The following TG variants were observed in gnomAD, a reference collection of about 807,000 sequenced individuals.
TG encodes thyroid hormones.
TG carries 270 observed loss-of-function variants against 324.7 expected under a neutral mutation model. That is an observed-to-expected ratio of 0.83 (90% CI 0.75 to 0.92). The LOEUF (loss-of-function observed/expected upper bound fraction) is 0.92, where lower values mean the gene tolerates loss of function less well. TG is among the 40% of genes least tolerant of loss of function. TG has a pLI of 0.00. For missense variants in TG, 3,591 were observed against 3,456.4 expected, an observed-to-expected ratio of 1.04 and a Z score of -0.98; for synonymous variants, 1,401 against 1,327.0, an observed-to-expected ratio of 1.06 and a Z score of -1.21.
In TG at chr8:132,967,796, T is replaced by C; in HGVS notation, c.5689T>C (p.Cys1897Arg). 2 of 1,613,760 alleles carry C rather than the reference T, an allele frequency of 1.2e-6. No homozygotes were observed. The highest frequency in any genetic ancestry group is 1.7e-6 in the Non-Finnish European group (2 of 1,179,798). The change falls in exon 31 of 48, where the codon TGT (cysteine) becomes CGT (arginine). Residue 1897 changes from cysteine to arginine, a missense_variant and splice_region_variant. Cys to Arg is a radical substitution (Grantham distance 180). Transcript: ENST00000220616. ...QQANLWCLSR[C>R]VQEHSFCQLA... Reference sequence around the variant, plus strand: ...TCACACTACTCTCTTGCCTGTAGGTTGTGTGCAGGAGCACTCTTTCTGTCA... The same window carrying C: ...TCACACTACTCTCTTGCCTGTAGGTCGTGTGCAGGAGCACTCTTTCTGTCA...
intron 25 of TG, among the ~76,000 whole-genome samples, chr8:132,938,433 C>G (rs1486641580): frequency 6.6e-6 from 1 of 152,104 alleles, no homozygotes; most frequent in African/African-American, 2.4e-5. Context: ...CAGATGAGGT[C>G]TAGGAAAAGG....
chr8:132,992,411 A>G (rs1832452853), intron 35 of TG, among the ~76,000 whole-genome samples: 1 of 152,208 alleles, frequency 6.6e-6, no homozygotes. Flanking sequence ...AGTTCAATAG[A>G]AAGCTATAGT....
chr8:132,946,097 CT>C (rs1398310685), intron 26 of TG, among the ~76,000 whole-genome samples: 1 of 151,466 alleles, frequency 6.6e-6, no homozygotes, highest in Non-Finnish European at 1.5e-5. Context: ...TGATGTATAT[CT>C]ATATTTAGAA....
intron 35 of TG, among the ~76,000 whole-genome samples, chr8:133,011,646 A>G (rs1435821715): frequency 1.3e-5 from 2 of 152,194 alleles, no homozygotes. Context: ...TAATAGAAAC[A>G]GCCATGCTTT....
chr8:133,117,716 G>T (rs1296000065), intron 45 of TG, among the ~76,000 whole-genome samples: 1 of 152,210 alleles, frequency 6.6e-6, no homozygotes, highest in Non-Finnish European at 1.5e-5. Flanking sequence ...AGATGCAAGA[G>T]CATTATTGTT....
rs533918282 is a variant in TG at position 133,039,768 on chromosome 8, C to G, written c.7239+9745C>G. On this transcript the variant is annotated intron_variant, in intron 41 of 47. Transcript: ENST00000220616. Reference sequence around the variant, plus strand: ...AGGACTCAGTAAATGTTTGCAGAAACAGGGGGAGCTGCCACACACCTCGTG... The same window carrying G: ...AGGACTCAGTAAATGTTTGCAGAAAGAGGGGGAGCTGCCACACACCTCGTG... Among the ~76,000 whole-genome samples the G allele has an allele frequency of 2.0e-5, 3 of 152,226 alleles. No homozygotes were observed. The East Asian group carries it at 5.8e-4, about 29-fold the overall frequency.
chr8:132,873,805 G>A (rs902515637), intron 5 of TG, among the ~76,000 whole-genome samples: 4 of 152,186 alleles, frequency 2.6e-5, no homozygotes, highest in Non-Finnish European at 5.9e-5. Context: ...AGCACAGAGG[G>A]TAAGAGGAAG....
At chr8:132,971,970 T>G in intron 33 of TG, 97 bp downstream of exon 33, 4 of 899,650 alleles carry the variant, frequency 4.4e-6, no homozygotes, top group Non-Finnish European at 7.4e-6. Context: ...CAGCATCTCC[T>G]ATCCTCGTTC....
intron 35 of TG, among the ~76,000 whole-genome samples, chr8:132,991,151 G>A (rs1485307518): frequency 1.3e-5 from 2 of 151,946 alleles, no homozygotes; most frequent in African/African-American, 4.8e-5. Flanking sequence ...TTCAGCCGAG[G>A]CAGTCCTGGA....
intron 41 of TG, among the ~76,000 whole-genome samples, chr8:133,044,108 A>T (rs1252475740): frequency 6.6e-6 from 1 of 152,174 alleles, no homozygotes; most frequent in African/African-American, 2.4e-5. Context: ...AGCCAACCTC[A>T]GGCTGCCTAG....
At chr8:132,930,068 A>G (rs1822477309) in intron 23 of TG, among the ~76,000 whole-genome samples, 1 of 152,208 alleles carries the variant, frequency 6.6e-6, no homozygotes, top group Non-Finnish European at 1.5e-5. Flanking sequence ...TGCCTGCCTC[A>G]GTACCCACAT....
At chr8:132,992,631 C>G (rs1278428874) in intron 35 of TG, among the ~76,000 whole-genome samples, 1 of 152,142 alleles carries the variant, frequency 6.6e-6, no homozygotes, top group Admixed American at 6.6e-5. Context: ...TGGGGTCTCT[C>G]AGACTCCCTT....
In TG at chr8:133,122,180, T is replaced by A. The variant is rs181279064; in HGVS notation, c.7862+5464T>A. 3.0e-3 allele frequency among the ~76,000 whole-genome samples: 452 copies of A among 152,300 alleles called. 1 individual carries two copies. The highest frequency in any genetic ancestry group is 0.01 in the African/African-American group (432 of 41,562). On this transcript the variant is annotated intron_variant, in intron 45 of 47. Coordinates refer to ENST00000220616, the MANE Select transcript of TG (RefSeq NM_003235.5). ...CTATTGTAAACTGATCACAGAATAG[T>A]GTGGTTTTCTTACTGTGCACCTGGA... is the stretch of plus-strand genomic sequence containing the variant.
At chr8:133,003,116 C>CT in intron 35 of TG, 1 of 871,028 alleles carries the variant, frequency 1.1e-6, no homozygotes, top group Non-Finnish European at 1.4e-6. Context: ...AGCTGAAAGG[C>CT]TTTTTGGCAA....
chr8:133,092,722 A>C (rs750345753), intron 41 of TG, among the ~76,000 whole-genome samples: 3 of 151,970 alleles, frequency 2.0e-5, no homozygotes, highest in Non-Finnish European at 2.9e-5. Context: ...CATGCTCTCT[A>C]CACACCTCTG....
intron 22 of TG, among the ~76,000 whole-genome samples, chr8:132,926,969 G>A (rs1821953768): frequency 6.6e-6 from 1 of 152,106 alleles, no homozygotes; most frequent in African/African-American, 2.4e-5. Context: ...TACTTGCAGA[G>A]TTAGTAAAAA....
In TG at chr8:133,029,904, G is replaced by A. The variant is rs765347953; in HGVS notation, c.7120G>A (p.Gly2374Ser). The A allele has an allele frequency of 6.2e-7, 1 of 1,614,242 alleles. No homozygotes were observed. Among genetic ancestry groups the A allele is most frequent in the South Asian group, 1.1e-5 (1 of 91,084 alleles). The change falls in exon 41 of 48, where the codon GGC becomes AGC. Residue 2374 changes from glycine (G) to serine (S), a missense_variant. Transcript: ENST00000220616. ...TWVQTHIRGF[G>S]GDPRRVSLAA... Reference sequence around the variant, plus strand: ...GGTGCAGACCCACATCCGAGGATTTGGCGGGGACCCTCGGCGCGTGTCCCT... The same window carrying A: ...GGTGCAGACCCACATCCGAGGATTTAGCGGGGACCCTCGGCGCGTGTCCCT...
rs559490553 is a variant in TG, at chr8:132,894,138, G to A, written c.3001+209G>A. On this transcript the variant is annotated intron_variant, in intron 11 of 47. Transcript: ENST00000220616. The stretch of plus-strand genomic sequence containing the variant: ...CTAAAATGCTCCTTAATTCTCCAGC[G>A]AATCTACCCTAGGGCAGGTTTCAGA... Among the ~76,000 whole-genome samples the A allele has an allele frequency of 1.2e-4, 19 of 152,198 alleles. No homozygotes were observed. In the South Asian group the frequency reaches 3.9e-3, roughly 32 times the overall value.
chr8:132,986,951 T>G (rs1454010566), intron 35 of TG, among the ~76,000 whole-genome samples: 3 of 152,214 alleles, frequency 2.0e-5, no homozygotes, highest in Non-Finnish European at 4.4e-5. Flanking sequence ...TGTCAAATAC[T>G]ATTGTTAAAG....
Sources: gnomAD v4.1 joint callset for allele counts (sites outside exome capture counted in the v4.1 genomes callset) on GRCh38, gnomAD v4.1.1 for gene constraint, MANE v1.5 for transcripts, NCBI Gene and HGNC (gene_info 2026-07-23, HGNC 2026-07-21) for gene names.